FGD4: variants seen among roughly 807,000 people sequenced by gnomAD.
The protein encoded by FGD4 is FYVE, RhoGEF and PH domain containing 4.
Under a neutral mutation model 102.0 loss-of-function variants are expected in FGD4, and 42 were observed. The observed-to-expected ratio is 0.41, with a 90% confidence interval of 0.32 to 0.53. The LOEUF (loss-of-function observed/expected upper bound fraction) is 0.53. FGD4 is among the 20% of genes least tolerant of loss of function. The probability of loss-of-function intolerance (pLI) is 0.21; values close to 1 mark genes in which losing one functional copy is unlikely to be tolerated. For synonymous variants in FGD4, 380 were observed against 375.7 expected (o/e 1.01, Z -0.13); for missense variants, 902 against 1,078.2 (o/e 0.84, Z 2.29).
At chr12:32,630,812 CAA>C (rs530800673) in intron 14 of FGD4, among the ~76,000 whole-genome samples, 32 of 125,374 alleles carry the variant, frequency 2.6e-4, no homozygotes, top group Admixed American at 4.0e-4. Context: ...GAGACTATGT[CAA>C]AAAAAAAAAA....
intron 4 of FGD4, chr12:32,582,807 T>A (rs1184421518): frequency 1.1e-5 from 3 of 270,956 alleles, no homozygotes; most frequent in Admixed American, 9.9e-5. Flanking sequence ...TCCCTAATAC[T>A]TACGGGCCAA....
chr12:32,515,866 G>A (rs1275396958), intron 1 of FGD4, among the ~76,000 whole-genome samples: 1 of 152,218 alleles, frequency 6.6e-6, no homozygotes. Flanking sequence ...AAATCCCACA[G>A]AGGAAGATAG....
In FGD4 at chr12:32,440,081, C is replaced by T. The variant is rs574529933; in HGVS notation, c.166+40122C>T. Among the ~76,000 whole-genome samples, 5 of 152,308 alleles carry T rather than the reference C, an allele frequency of 3.3e-5. No individual in the cohort carries two copies. In the South Asian group the frequency reaches 1.0e-3, roughly 32 times the overall value. ...TATTTTGAATTTCTTTGAGTTTCCT[C>T]AACACGGCTATTGTGAATTCACTGT... On this transcript the variant is annotated intron_variant, in intron 1 of 16. Transcript: ENST00000534526.
intron 10 of FGD4, among the ~76,000 whole-genome samples, chr12:32,615,381 G>A (rs1178705204): frequency 6.6e-6 from 1 of 152,100 alleles, no homozygotes; most frequent in Admixed American, 6.5e-5. Flanking sequence ...GGTGATAGTT[G>A]CACAATTTAC....
intron 12 of FGD4, 133 bp from the exon 13 acceptor site, chr12:32,624,843 A>G (rs1950053576): frequency 2.6e-6 from 2 of 766,970 alleles, no homozygotes; most frequent in Admixed American, 2.0e-5. Flanking sequence ...TGTGTGTTTT[A>G]ATATGTAGTA....
intron 1 of FGD4, among the ~76,000 whole-genome samples, chr12:32,429,487 A>G (rs1048322600): frequency 6.6e-6 from 1 of 152,202 alleles, no homozygotes; most frequent in African/African-American, 2.4e-5. Context: ...GTATCTCCCA[A>G]TCAGGAGGCA....
At position 32,559,682 on chromosome 12, in the gene FGD4, A is replaced by G. The variant is rs140412789; in HGVS notation, c.167-4455A>G. ...TTCGTGGGAGATATTCTCTGTAAAC[A>G]TGACACTTGCGAAACCTACCATACC... On this transcript the variant is annotated intron_variant, in intron 1 of 16. Transcript: ENST00000534526. 3.5e-3 allele frequency among the ~76,000 whole-genome samples: 529 copies of G among 152,386 alleles called. 1 individual carries two copies. Among genetic ancestry groups the G allele is most frequent in the Non-Finnish European group, 5.4e-3 (368 of 68,046 alleles).
chr12:32,631,152 A>G (rs1328206229), intron 14 of FGD4, among the ~76,000 whole-genome samples: 1 of 152,188 alleles, frequency 6.6e-6, no homozygotes, highest in Non-Finnish European at 1.5e-5. Flanking sequence ...TAATATTTAA[A>G]TGTATTGATG....
chr12:32,465,262 T>C (rs1189162389), intron 1 of FGD4, among the ~76,000 whole-genome samples: 2 of 145,052 alleles, frequency 1.4e-5, no homozygotes, highest in African/African-American at 5.6e-5. Context: ...ATATTTTGTA[T>C]GTTTTATATA....
intron 4 of FGD4, among the ~76,000 whole-genome samples, chr12:32,586,643 TA>T (rs1947062156): frequency 6.6e-6 from 1 of 152,126 alleles, no homozygotes; most frequent in Admixed American, 6.5e-5. Flanking sequence ...GAAGCAACTG[TA>T]CTAGTCCAGG....
At chr12:32,456,967 T>C (rs1256055776) in intron 1 of FGD4, among the ~76,000 whole-genome samples, 1 of 152,200 alleles carries the variant, frequency 6.6e-6, no homozygotes, top group East Asian at 1.9e-4. Context: ...TGTGCATTGT[T>C]TCTGTGTTGA....
intron 1 of FGD4, among the ~76,000 whole-genome samples, chr12:32,449,774 G>T (rs1270017392): frequency 1.3e-5 from 2 of 152,178 alleles, no homozygotes. Context: ...GTCTGGCTCT[G>T]TTGCCCAGCC....
intron 1 of FGD4, among the ~76,000 whole-genome samples, chr12:32,554,539 T>C (rs562084565): frequency 5.3e-5 from 8 of 152,294 alleles, no homozygotes; most frequent in Admixed American, 1.3e-4. Context: ...AGGAGCACAA[T>C]TGCTGCCTTC....
chr12:32,484,970 G>A (rs148352893), intron 1 of FGD4, among the ~76,000 whole-genome samples: 187 of 152,288 alleles, frequency 1.2e-3, no homozygotes, highest in Admixed American at 0.01. Context: ...TATGATAGTA[G>A]CTCACTATGT....
intron 1 of FGD4, among the ~76,000 whole-genome samples, chr12:32,505,362 GA>G (rs906565316): frequency 6.6e-6 from 1 of 152,198 alleles, no homozygotes; most frequent in African/African-American, 2.4e-5. Flanking sequence ...GCATGCGTGT[GA>G]ACGATGTGAA....
chr12:32,512,890 A>G (rs922036573), intron 1 of FGD4, among the ~76,000 whole-genome samples: 1 of 152,200 alleles, frequency 6.6e-6, no homozygotes, highest in Non-Finnish European at 1.5e-5. Context: ...AGGGAAGGGC[A>G]TGGTATCTGC....
intron 1 of FGD4, among the ~76,000 whole-genome samples, chr12:32,503,971 A>G (rs1402925593): frequency 1.3e-5 from 2 of 152,154 alleles, no homozygotes; most frequent in Non-Finnish European, 1.5e-5. Context: ...GGGGTAGGCT[A>G]GATAAATCCG....
At chr12:32,593,049 T>C (rs1947608535) in intron 4 of FGD4, among the ~76,000 whole-genome samples, 1 of 152,184 alleles carries the variant, frequency 6.6e-6, no homozygotes, top group Admixed American at 6.5e-5. Flanking sequence ...TAAAATCATG[T>C]ACTTGCCTAT....
At chr12:32,401,979 T>TG (rs1940687868) in intron 1 of FGD4, among the ~76,000 whole-genome samples, 1 of 149,558 alleles carries the variant, frequency 6.7e-6, no homozygotes, top group South Asian at 2.1e-4. Flanking sequence ...CTTGGCTCAC[T>TG]GCAAGCTCCG....
Sources: allele counts gnomAD v4.1 joint callset (sites outside exome capture counted in the v4.1 genomes callset), GRCh38; gene constraint gnomAD v4.1.1; transcripts MANE v1.5; gene names NCBI Gene and HGNC (gene_info 2026-07-23, HGNC 2026-07-21).